SYT17: variants seen among roughly 807,000 people sequenced by gnomAD.
SYT17 encodes synaptotagmin-17.
SYT17 carries 22 observed loss-of-function variants against 46.7 expected under a neutral mutation model. That is an observed-to-expected ratio of 0.47 (90% CI 0.34 to 0.67). The LOEUF (loss-of-function observed/expected upper bound fraction) is 0.67. Among genes scored for constraint, SYT17 ranks in the 30% least tolerant of loss-of-function variants. SYT17 has a pLI of 0.01. For missense variants in SYT17, 519 were observed against 612.8 expected, an observed-to-expected ratio of 0.85 and a Z score of 1.62; for synonymous variants, 251 against 248.4, an observed-to-expected ratio of 1.01 and a Z score of -0.10.
chr16:19,243,571 G>A (rs1026129592), intron 7 of SYT17, among the ~76,000 whole-genome samples: 1 of 152,108 alleles, frequency 6.6e-6, no homozygotes, highest in Non-Finnish European at 1.5e-5. Context: ...AGCACTTTGG[G>A]AGGCTGAGGC....
At chr16:19,182,018 A>G (rs2142569202) in intron 4 of SYT17, among the ~76,000 whole-genome samples, 1 of 147,108 alleles carries the variant, frequency 6.8e-6, no homozygotes, top group African/African-American at 2.5e-5. Flanking sequence ...AAAAAAAAAG[A>G]GAGAGAGGAT....
At chr16:19,239,939 G>C (rs554163847) in intron 7 of SYT17, among the ~76,000 whole-genome samples, 1 of 152,238 alleles carries the variant, frequency 6.6e-6, no homozygotes, top group Admixed American at 6.5e-5. Flanking sequence ...GTGCCAGCAT[G>C]GGTGCCGGCT....
chr16:19,210,590 C>A (rs1328606272), intron 5 of SYT17, among the ~76,000 whole-genome samples: 2 of 149,038 alleles, frequency 1.3e-5, no homozygotes, highest in Non-Finnish European at 3.0e-5. Context: ...GAGGTATTGA[C>A]AAAGACTGGG....
At chr16:19,226,210 A>T (rs1308896056) in intron 7 of SYT17, among the ~76,000 whole-genome samples, 1 of 152,196 alleles carries the variant, frequency 6.6e-6, no homozygotes, top group Non-Finnish European at 1.5e-5. Flanking sequence ...TAGAATCAGG[A>T]CTCAAGCTCT....
chr16:19,256,657 C>A (rs1270890329), intron 7 of SYT17, among the ~76,000 whole-genome samples: 1 of 151,982 alleles, frequency 6.6e-6, no homozygotes, highest in African/African-American at 2.4e-5. Flanking sequence ...TGCCTCACTG[C>A]AATCTCAACC....
chr16:19,249,882 T>A (rs1459878910), intron 7 of SYT17: 1 of 1,515,110 alleles, frequency 6.6e-7, no homozygotes, highest in Non-Finnish European at 8.8e-7. Flanking sequence ...ATCCAGGTCG[T>A]CTTGTCTTGC....
chr16:19,264,831 C>T (rs142813505), intron 7 of SYT17, among the ~76,000 whole-genome samples: 2,925 of 152,108 alleles, frequency 0.019, 97 homozygotes, highest in African/African-American at 0.066. Flanking sequence ...TGGGCTCAAG[C>T]GATCCACCTG....
chr16:19,208,881 C>CTTTTTT (rs1567213098), intron 5 of SYT17, among the ~76,000 whole-genome samples: 21 of 54,418 alleles, frequency 3.9e-4, no homozygotes, highest in Non-Finnish European at 6.5e-4. Context: ...CTACAAGGAC[C>CTTTTTT]TTCTTTTTTT....
At chr16:19,213,696 A>G (rs1471980299) in intron 5 of SYT17, among the ~76,000 whole-genome samples, 1 of 152,108 alleles carries the variant, frequency 6.6e-6, no homozygotes, top group East Asian at 1.9e-4. Flanking sequence ...AAAAATAAAG[A>G]AAGTTTAGAA....
At chr16:19,177,304 T>C (rs2142532559) in intron 3 of SYT17, among the ~76,000 whole-genome samples, 1 of 152,220 alleles carries the variant, frequency 6.6e-6, no homozygotes, top group East Asian at 1.9e-4. Flanking sequence ...CCTAGGGTTG[T>C]GCAGTCTACA....
chr16:19,232,034 G>T (rs1966713585), intron 7 of SYT17, among the ~76,000 whole-genome samples: 1 of 152,186 alleles, frequency 6.6e-6, no homozygotes, highest in South Asian at 2.1e-4. Flanking sequence ...AGAGAGGATT[G>T]CAGGGGATGC....
At chr16:19,207,722 A>G (rs1292689941) in intron 5 of SYT17, among the ~76,000 whole-genome samples, 1 of 152,114 alleles carries the variant, frequency 6.6e-6, no homozygotes, top group Admixed American at 6.6e-5. Flanking sequence ...GCAGAAAGAT[A>G]GGGAACAAGG....
At chr16:19,219,578 C>A (rs953542599) in intron 5 of SYT17, among the ~76,000 whole-genome samples, 10 of 152,160 alleles carry the variant, frequency 6.6e-5, no homozygotes, top group Non-Finnish European at 1.0e-4. Context: ...GCGGAACTTA[C>A]TGTTTGTTGA....
rs529130478 is a variant in SYT17, at chr16:19,266,988, C to T, written c.1337C>T (p.Thr446Met). 35 of 1,613,736 alleles carry T rather than the reference C, an allele frequency of 2.2e-5. No individual in the cohort carries two copies. The highest frequency in any genetic ancestry group is 1.3e-4 in the African/African-American group (10 of 74,936). Reference sequence around the variant, plus strand: ...AACCACTGGAGGCGCATGCTCAACACGCACCGCACAGCCGTGGAGCAGTGG... The same window carrying T: ...AACCACTGGAGGCGCATGCTCAACATGCACCGCACAGCCGTGGAGCAGTGG... ...ETNHWRRMLN[T>M]HRTAVEQWHS... The change falls in exon 8 of 8, where the codon ACG becomes ATG. Residue 446 changes from threonine to methionine, a missense_variant. Coordinates refer to ENST00000355377, the MANE Select transcript of SYT17 (RefSeq NM_016524.4).
chr16:19,265,389 A>T (rs939556186), intron 7 of SYT17, among the ~76,000 whole-genome samples: 1 of 152,194 alleles, frequency 6.6e-6, no homozygotes, highest in African/African-American at 2.4e-5. Flanking sequence ...GCTGAAGATG[A>T]CATAGTATTT....
chr16:19,193,135 C>A (rs1298708706), intron 5 of SYT17, among the ~76,000 whole-genome samples: 2 of 152,220 alleles, frequency 1.3e-5, no homozygotes, highest in Non-Finnish European at 2.9e-5. Context: ...GTGATGGTTT[C>A]ATAAGCTGGC....
chr16:19,191,770 C>CTTTTG lies in SYT17; in HGVS notation c.951+7643_951+7647dup, dbSNP rs371039622. On this transcript the variant is annotated intron_variant, in intron 5 of 7. Transcript: ENST00000355377. ...ATCTAAGAGTGTGCACTGTACAGTTCTTTTGTTTTGTTTTGTTTTGTTTTT... is the reference window on the plus strand; with the variant it reads ...ATCTAAGAGTGTGCACTGTACAGTTCTTTTGTTTTGTTTTGTTTTGTTTTGTTTTT... Among the ~76,000 whole-genome samples the CTTTTG allele has an allele frequency of 1.1e-3, 169 of 152,020 alleles. 2 individuals are homozygous for CTTTTG. Among genetic ancestry groups the CTTTTG allele is most frequent in the African/African-American group, 3.8e-3 (158 of 41,470 alleles).
intron 5 of SYT17, among the ~76,000 whole-genome samples, chr16:19,205,823 C>A (rs1001621864): frequency 6.6e-6 from 1 of 152,208 alleles, no homozygotes; most frequent in African/African-American, 2.4e-5. Context: ...CACTTTCTAT[C>A]CCCGATGCCA....
intron 5 of SYT17, chr16:19,211,219 C>T: frequency 4.0e-6 from 2 of 496,530 alleles, no homozygotes; most frequent in Non-Finnish European, 3.6e-6. Context: ...CCACAAGGGA[C>T]GAGGTAGAAG....
Sources: gnomAD v4.1 joint callset for allele counts (sites outside exome capture counted in the v4.1 genomes callset) on GRCh38, gnomAD v4.1.1 for gene constraint, MANE v1.5 for transcripts, NCBI Gene and HGNC (gene_info 2026-07-23, HGNC 2026-07-21) for gene names.